LDAH: variants seen among roughly 807,000 people sequenced by gnomAD.
LDAH encodes the protein lipid droplet associated hydrolase, also known as lipid droplet-associated hydrolase.
LDAH carries 26 observed loss-of-function variants against 29.6 expected under a neutral mutation model. That is an observed-to-expected ratio of 0.88 (90% CI 0.64 to 1.22). LDAH has a LOEUF of 1.22. LDAH is among the 50% of genes most tolerant of loss of function. The probability of loss-of-function intolerance (pLI) is 0.00; values close to 1 mark genes in which losing one functional copy is unlikely to be tolerated. For missense variants in LDAH, 344 were observed against 387.3 expected (o/e 0.89, Z 0.94); for synonymous variants, 117 against 133.0 (o/e 0.88, Z 0.83).
chr2:20,770,257 A>C (rs1669320041), intron 4 of LDAH, among the ~76,000 whole-genome samples: 1 of 152,222 alleles, frequency 6.6e-6, no homozygotes, highest in Non-Finnish European at 1.5e-5. Context: ...TTCAGAGAGA[A>C]GACATTTTTG....
intron 4 of LDAH, among the ~76,000 whole-genome samples, chr2:20,772,480 G>C (rs1205118254): frequency 6.6e-6 from 1 of 152,182 alleles, no homozygotes; most frequent in East Asian, 1.9e-4. Flanking sequence ...CCATGTTCTT[G>C]ACTGCACAAC....
At chr2:20,719,811 A>G (rs1665515001) in intron 5 of LDAH, among the ~76,000 whole-genome samples, 1 of 152,168 alleles carries the variant, frequency 6.6e-6, no homozygotes, top group Non-Finnish European at 1.5e-5. Flanking sequence ...AGGATGGTTC[A>G]GCATACACAA....
At position 20,691,644 on chromosome 2, in the gene LDAH, T is replaced by C. The variant is rs540216201; in HGVS notation, c.787-4550A>G. ...AAAGGTTTAGAAGAAAATAAATTATTTCCTGTAGTTTATTTATCCTTAGCA... is the reference window on the plus strand; with the variant it reads ...AAAGGTTTAGAAGAAAATAAATTATCTCCTGTAGTTTATTTATCCTTAGCA... On this transcript the variant is annotated intron_variant, in intron 6 of 6. Coordinates refer to ENST00000237822, the MANE Select transcript of LDAH (RefSeq NM_021925.4). Among the ~76,000 whole-genome samples, 43 of 152,364 alleles carry C rather than the reference T, an allele frequency of 2.8e-4. No homozygotes were observed. The South Asian group carries it at 7.2e-3, about 26-fold the overall frequency.
At chr2:20,801,237 T>C (rs2125106453) in intron 2 of LDAH, 73 bp downstream of exon 2, 1 of 1,483,340 alleles carries the variant, frequency 6.7e-7, no homozygotes, top group East Asian at 2.3e-5. Context: ...TTTACCAAAT[T>C]CTCTATACTT....
intron 5 of LDAH, among the ~76,000 whole-genome samples, chr2:20,725,309 T>C (rs10469801): frequency 0.091 from 13,837 of 152,126 alleles, 752 homozygotes; most frequent in African/African-American, 0.15. Context: ...AAATAAAAAA[T>C]ACAATAATCT....
rs867967368 is a variant in LDAH at position 20,759,981 on chromosome 2, T to C, written c.468+14829A>G. Among the ~76,000 whole-genome samples the C allele has an allele frequency of 7.2e-5, 11 of 152,212 alleles. 1 individual carries two copies. The highest frequency in any genetic ancestry group is 2.4e-4 in the African/African-American group (10 of 41,454). On this transcript the variant is annotated intron_variant, in intron 4 of 6. Transcript: ENST00000237822. ...AATATGGCAATACTTTCAAATAAGA[T>C]CTGCTTCAACCTAGAGTAGGATGAA...
At position 20,693,482 on chromosome 2, in the gene LDAH, A is replaced by G. The variant is rs546451473; in HGVS notation, c.787-6388T>C. 2.8e-4 allele frequency among the ~76,000 whole-genome samples: 42 copies of G among 152,296 alleles called. No homozygotes were observed. The South Asian group carries it at 8.7e-3, about 32-fold the overall frequency. On this transcript the variant is annotated intron_variant, in intron 6 of 6. Coordinates refer to ENST00000237822, the MANE Select transcript of LDAH (RefSeq NM_021925.4). Reference sequence around the variant, plus strand: ...AAAATGTACATGTCATATTCCCCAGACATGACTGTAGAGAAAGACAGGTGG... The same window carrying G: ...AAAATGTACATGTCATATTCCCCAGGCATGACTGTAGAGAAAGACAGGTGG...
rs139182819 is a variant in LDAH, at chr2:20,732,729, A to G, written c.703+7242T>C. On this transcript the variant is annotated intron_variant, in intron 5 of 6. Transcript: ENST00000237822. The stretch of plus-strand genomic sequence containing the variant: ...TGATGGGTGCAGGCTCTATGGTGAT[A>G]TTTTCTATTTCATTTCTGATATTGG... Among the ~76,000 whole-genome samples, 846 of 151,620 alleles carry G rather than the reference A, an allele frequency of 5.6e-3. 9 individuals are homozygous for G. The highest frequency in any genetic ancestry group is 0.02 in the African/African-American group (815 of 41,340).
chr2:20,722,582 A>G (rs182179852), intron 5 of LDAH, among the ~76,000 whole-genome samples: 164 of 152,258 alleles, frequency 1.1e-3, no homozygotes, highest in African/African-American at 3.8e-3. Flanking sequence ...CAAAATAGCT[A>G]GAAGAGAAGA....
intron 5 of LDAH, among the ~76,000 whole-genome samples, chr2:20,719,466 T>G (rs1558409141): frequency 9.3e-5 from 14 of 151,178 alleles, no homozygotes; most frequent in Non-Finnish European, 3.0e-5. Context: ...AAATAATGAG[T>G]AAGATCTAAA....
chr2:20,814,554 G>T (rs1436095403), intron 1 of LDAH, among the ~76,000 whole-genome samples: 1 of 152,048 alleles, frequency 6.6e-6, no homozygotes, highest in Admixed American at 6.6e-5. Context: ...TCAACCTTCT[G>T]GGCTCAAGTG....
chr2:20,756,363 T>C (rs528595655), intron 4 of LDAH, among the ~76,000 whole-genome samples: 165 of 152,206 alleles, frequency 1.1e-3, no homozygotes, highest in African/African-American at 3.9e-3. Context: ...TATGAGTGGA[T>C]AATGAATAAG....
chr2:20,819,215 A>C (rs887398760), intron 1 of LDAH, among the ~76,000 whole-genome samples: 1 of 141,742 alleles, frequency 7.1e-6, no homozygotes, highest in African/African-American at 3.2e-5. Flanking sequence ...TTACACACAC[A>C]ATTTTTTTTT....
chr2:20,750,182 C>T (rs1253367623), intron 4 of LDAH, among the ~76,000 whole-genome samples: 1 of 152,160 alleles, frequency 6.6e-6, no homozygotes, highest in Non-Finnish European at 1.5e-5. Context: ...CATGCCATCA[C>T]ACCCAGCTGA....
At chr2:20,819,215 A>G (rs887398760) in intron 1 of LDAH, among the ~76,000 whole-genome samples, 5 of 141,742 alleles carry the variant, frequency 3.5e-5, no homozygotes, top group African/African-American at 6.3e-5. Context: ...TTACACACAC[A>G]ATTTTTTTTT....
Position 20,789,877 on chromosome 2 carries a change from C to T in LDAH, c.298+378G>A, listed in dbSNP as rs184698341. 5.4e-3 allele frequency among the ~76,000 whole-genome samples: 821 copies of T among 152,258 alleles called. 3 individuals carry two copies. The highest frequency in any genetic ancestry group is 9.3e-3 in the Non-Finnish European group (634 of 68,022). On this transcript the variant is annotated intron_variant, in intron 3 of 6. Transcript: ENST00000237822. Reference sequence around the variant, plus strand: ...CAGTTTCATCCCGAAACCATCCACCCCTCCCCAGTCTGTGGAAAAATTGTC... The same window carrying T: ...CAGTTTCATCCCGAAACCATCCACCTCTCCCCAGTCTGTGGAAAAATTGTC...
intron 5 of LDAH, among the ~76,000 whole-genome samples, chr2:20,710,866 C>A (rs937344986): frequency 9.2e-5 from 14 of 151,806 alleles, no homozygotes; most frequent in Middle Eastern, 6.8e-3. Flanking sequence ...AAATATTTGA[C>A]CCTGTGAATA....
Position 20,724,097 on chromosome 2 carries a change from G to A in LDAH, c.703+15874C>T, listed in dbSNP as rs561617629. 2.0e-5 allele frequency among the ~76,000 whole-genome samples: 3 copies of A among 152,176 alleles called. No homozygotes were observed. The South Asian group carries it at 6.2e-4, about 32-fold the overall frequency. On this transcript the variant is annotated intron_variant, in intron 5 of 6. Transcript: ENST00000237822. The stretch of plus-strand genomic sequence containing the variant: ...AGGGCATTCATCTCACAGGTCAAAT[G>A]TTATCACCCAATTCTCCAAGTACAC...
chr2:20,821,838 T>C lies in LDAH; in HGVS notation c.-3+1199A>G, dbSNP rs375150666. Among the ~76,000 whole-genome samples, 9 of 152,248 alleles carry C rather than the reference T, an allele frequency of 5.9e-5. No homozygotes were observed. The East Asian group carries it at 7.7e-4, about 13-fold the overall frequency. On this transcript the variant is annotated intron_variant, in intron 1 of 6. Transcript: ENST00000237822. ...CATTAAGTTATCAAAAAGCAAAATATTAAAATATAAAATTTTAGATGGGCA... is the reference window on the plus strand; with the variant it reads ...CATTAAGTTATCAAAAAGCAAAATACTAAAATATAAAATTTTAGATGGGCA...
Sources: allele counts gnomAD v4.1 joint callset (sites outside exome capture counted in the v4.1 genomes callset), GRCh38; gene constraint gnomAD v4.1.1; transcripts MANE v1.5; gene names NCBI Gene and HGNC (gene_info 2026-07-23, HGNC 2026-07-21).